The following CCDC73 variants were observed in gnomAD, a reference collection of about 807,000 sequenced individuals.
CCDC73 encodes coiled-coil domain containing 73, also known as coiled-coil domain-containing protein 73.
Under a neutral mutation model 116.5 loss-of-function variants are expected in CCDC73, and 95 were observed. That is an observed-to-expected ratio of 0.82 (90% CI 0.69 to 0.97). The LOEUF is 0.97. Ranked by LOEUF, CCDC73 falls within the 50% of genes least tolerant of loss-of-function variation. The pLI is 0.00. For missense variants in CCDC73, 1,066 were observed against 1,206.8 expected, an observed-to-expected ratio of 0.88 and a Z score of 1.73; for synonymous variants, 398 against 401.3, an observed-to-expected ratio of 0.99 and a Z score of 0.10.
intron 1 of CCDC73, among the ~76,000 whole-genome samples, chr11:32,760,508 T>C (rs1413949560): frequency 6.6e-6 from 1 of 152,182 alleles, no homozygotes; most frequent in Non-Finnish European, 1.5e-5. Context: ...TTTCTTCCCC[T>C]AAAGACCCAT....
At chr11:32,739,279 G>C (rs910897500) in intron 2 of CCDC73, among the ~76,000 whole-genome samples, 1 of 151,998 alleles carries the variant, frequency 6.6e-6, no homozygotes, top group East Asian at 1.9e-4. Flanking sequence ...GTAGATTGCT[G>C]TGGGTAGTAT....
intron 17 of CCDC73, chr11:32,605,115 GTGT>G (rs796635789): frequency 4.0e-5 from 6 of 149,970 alleles, no homozygotes; most frequent in African/African-American, 1.5e-4. Context: ...GCCTCCCAAA[GTGT>G]TGGGATTACA....
chr11:32,749,421 A>G (rs1850267429), intron 2 of CCDC73, among the ~76,000 whole-genome samples: 4 of 151,996 alleles, frequency 2.6e-5, no homozygotes, highest in Admixed American at 2.0e-4. Flanking sequence ...AGAATTCTAA[A>G]TTCTTCTGTG....
At chr11:32,825,388 C>T in the CCDC73 span, among the ~76,000 whole-genome samples, 9 of 150,752 alleles carry the variant, frequency 6.0e-5, no homozygotes, top group Admixed American at 4.0e-4. Flanking sequence ...TCGCAACCTC[C>T]ACCTTCTGGG....
At chr11:32,645,420 T>C (rs933468049) in intron 12 of CCDC73, among the ~76,000 whole-genome samples, 3 of 151,574 alleles carry the variant, frequency 2.0e-5, no homozygotes, top group African/African-American at 4.9e-5. Flanking sequence ...GCCCCCTGAG[T>C]AGCTGGGATT....
chr11:32,808,642 GA>G, the CCDC73 span, among the ~76,000 whole-genome samples: 22 of 144,506 alleles, frequency 1.5e-4, no homozygotes, highest in East Asian at 6.0e-4. Flanking sequence ...CCGTCTCAAA[GA>G]AAAAAAAAAA....
At chr11:32,807,991 T>C in the CCDC73 span, among the ~76,000 whole-genome samples, 1 of 152,122 alleles carries the variant, frequency 6.6e-6, no homozygotes, top group Admixed American at 6.6e-5. Context: ...CAAGAATAAA[T>C]TGCATTTATG....
chr11:32,735,614 C>T (rs969539090), intron 2 of CCDC73, among the ~76,000 whole-genome samples: 2 of 152,180 alleles, frequency 1.3e-5, no homozygotes, highest in Non-Finnish European at 2.9e-5. Flanking sequence ...AATGCCATCC[C>T]CATCAAGCTA....
the CCDC73 span, among the ~76,000 whole-genome samples, chr11:32,817,718 C>A: frequency 6.6e-6 from 1 of 152,186 alleles, no homozygotes; most frequent in Non-Finnish European, 1.5e-5. Context: ...CTCTGTCATA[C>A]AGCCTCACCA....
the CCDC73 span, among the ~76,000 whole-genome samples, chr11:32,801,234 A>G: frequency 1.3e-5 from 2 of 152,278 alleles, no homozygotes; most frequent in East Asian, 3.9e-4. Context: ...CCTATCTTAA[A>G]CCAATCACTG....
chr11:32,765,196 G>T (rs140088545), intron 1 of CCDC73, among the ~76,000 whole-genome samples: 4,247 of 152,230 alleles, frequency 0.028, 79 homozygotes, highest in Non-Finnish European at 0.036. Context: ...GTCAACATTA[G>T]ACAGCTCAAT....
At chr11:32,760,349 C>T in intron 1 of CCDC73, 91 bp from the exon 2 acceptor site, 1 of 703,358 alleles carries the variant, frequency 1.4e-6, no homozygotes, top group South Asian at 2.1e-5. Context: ...AACCTGTATC[C>T]CATAATCCTC....
In CCDC73 at chr11:32,715,498, GCA is replaced by G. The variant is rs35260107; in HGVS notation, c.207+2576_207+2577del. ...AACAAAAGGAAAAACTGATACACAC[GCA>G]CACACACACACACACACACACCACC... On this transcript the variant is annotated intron_variant, in intron 3 of 17. Transcript: ENST00000335185. Among the ~76,000 whole-genome samples, 202 of 148,454 alleles carry G rather than the reference GCA, an allele frequency of 1.4e-3. 1 individual carries two copies. The highest frequency in any genetic ancestry group is 3.4e-3 in the Middle Eastern group (1 of 290).
Position 32,613,476 on chromosome 11 carries a change from T to C in CCDC73, c.2842A>G (p.Met948Val), listed in dbSNP as rs771471823. 1.9e-5 allele frequency: 30 copies of C among 1,614,094 alleles called. No individual in the cohort carries two copies. The highest frequency in any genetic ancestry group is 9.3e-5 in the African/African-American group (7 of 75,056). ...ACACCAATATTTTTACAAAGAGCCA[T>C]TGAAATGATCTTTTTGTTTTCTGAT... ...DPSENKKIIS[M>V]ALCKNIGVDD... Residue 948 changes from methionine to valine, a missense_variant, in exon 16 of 18, where the codon ATG becomes GTG. Coordinates refer to ENST00000335185, the MANE Select transcript of CCDC73 (RefSeq NM_001008391.4).
chr11:32,660,670 A>G (rs1855915090), intron 9 of CCDC73, among the ~76,000 whole-genome samples: 1 of 151,976 alleles, frequency 6.6e-6, no homozygotes, highest in Non-Finnish European at 1.5e-5. Context: ...AAAAAAAAAC[A>G]AAAATTAGTC....
intron 2 of CCDC73, among the ~76,000 whole-genome samples, chr11:32,734,673 G>A (rs1850112370): frequency 6.6e-6 from 1 of 151,944 alleles, no homozygotes; most frequent in South Asian, 2.1e-4. Flanking sequence ...ATTTTATAAG[G>A]CCAGCATCAT....
At chr11:32,717,654 TA>T (rs1160113451) in intron 3 of CCDC73, among the ~76,000 whole-genome samples, 3 of 152,158 alleles carry the variant, frequency 2.0e-5, no homozygotes, top group Non-Finnish European at 2.9e-5. Context: ...GAATACATTT[TA>T]AAATAGATGC....
intron 2 of CCDC73, among the ~76,000 whole-genome samples, chr11:32,747,573 C>T (rs1484063748): frequency 6.6e-6 from 1 of 152,218 alleles, no homozygotes; most frequent in Non-Finnish European, 1.5e-5. Flanking sequence ...TGCTGAGCTG[C>T]AGTTGGCTCT....
intron 16 of CCDC73, among the ~76,000 whole-genome samples, chr11:32,611,507 G>A (rs1357058015): frequency 1.3e-5 from 2 of 152,088 alleles, no homozygotes; most frequent in African/African-American, 4.8e-5. Flanking sequence ...CACATTAAAA[G>A]CAGTGAAAGA....
Sources: gnomAD v4.1 joint callset for allele counts (sites outside exome capture counted in the v4.1 genomes callset) on GRCh38, gnomAD v4.1.1 for gene constraint, MANE v1.5 for transcripts, NCBI Gene and HGNC (gene_info 2026-07-23, HGNC 2026-07-21) for gene names.